MARCHF1: variants seen among roughly 807,000 people sequenced by gnomAD.
MARCHF1 encodes the protein membrane associated ring-CH-type finger 1.
MARCHF1 carries 40 observed loss-of-function variants against 54.2 expected under a neutral mutation model. The ratio of observed to expected loss-of-function variants is 0.74; its 90% CI spans 0.57 to 0.96. The LOEUF (loss-of-function observed/expected upper bound fraction) is 0.96, where lower values mean the gene tolerates loss of function less well. Ranked by LOEUF, MARCHF1 falls within the 40% of genes least tolerant of loss-of-function variation. The pLI is 0.00. For missense variants in MARCHF1, 586 were observed against 656.5 expected (o/e 0.89, Z 1.17); for synonymous variants, 236 against 236.3 (o/e 1.00, Z 0.01).
chr4:164,315,720 T>A (rs1295813480), intron 1 of MARCHF1, among the ~76,000 whole-genome samples: 1 of 152,168 alleles, frequency 6.6e-6, no homozygotes, highest in African/African-American at 2.4e-5. Context: ...GGCTAGAGCA[T>A]TGAGAGGTAT....
At chr4:163,619,509 C>G (rs1414131469) in intron 5 of MARCHF1, among the ~76,000 whole-genome samples, 1 of 152,038 alleles carries the variant, frequency 6.6e-6, no homozygotes, top group Admixed American at 6.5e-5. Flanking sequence ...TACCAGACAT[C>G]TAAATGTAGT....
intron 2 of MARCHF1, among the ~76,000 whole-genome samples, chr4:164,044,988 G>A (rs1279628363): frequency 6.6e-6 from 1 of 152,020 alleles, no homozygotes; most frequent in Non-Finnish European, 1.5e-5. Context: ...AAAACTTAGA[G>A]TAAGAACCTT....
chr4:164,179,613 A>T (rs539105594), intron 1 of MARCHF1, among the ~76,000 whole-genome samples: 11 of 152,220 alleles, frequency 7.2e-5, no homozygotes, highest in South Asian at 2.1e-4. Context: ...ACATACACAC[A>T]CATACATATA....
At chr4:163,732,929 A>G (rs955127448) in intron 4 of MARCHF1, among the ~76,000 whole-genome samples, 4 of 151,734 alleles carry the variant, frequency 2.6e-5, no homozygotes, top group African/African-American at 9.7e-5. Context: ...AGGTGGGTGG[A>G]TCATCTGAGG....
chr4:164,226,786 C>T (rs1050826479), intron 1 of MARCHF1, among the ~76,000 whole-genome samples: 1 of 151,998 alleles, frequency 6.6e-6, no homozygotes, highest in Admixed American at 6.6e-5. Flanking sequence ...CAGCTCATCC[C>T]CATCTCTCTC....
At chr4:163,795,105 A>T (rs1409564556) in intron 4 of MARCHF1, among the ~76,000 whole-genome samples, 2 of 152,232 alleles carry the variant, frequency 1.3e-5, no homozygotes, top group African/African-American at 4.8e-5. Flanking sequence ...TCAATTTGTG[A>T]AATTGATTTA....
chr4:164,331,382 G>A (rs1389377005), intron 1 of MARCHF1, among the ~76,000 whole-genome samples: 2 of 152,252 alleles, frequency 1.3e-5, no homozygotes, highest in East Asian at 3.9e-4. Context: ...TACAAAGCAA[G>A]CTGTTAAGAC....
intron 1 of MARCHF1, among the ~76,000 whole-genome samples, chr4:164,280,852 G>A (rs201117221): frequency 1.3e-5 from 2 of 152,004 alleles, no homozygotes; most frequent in African/African-American, 2.4e-5. Flanking sequence ...CTCTTTCCAG[G>A]TAGGTAGATA....
intron 4 of MARCHF1, among the ~76,000 whole-genome samples, chr4:163,820,360 T>A (rs1207807306): frequency 2.0e-5 from 3 of 152,044 alleles, no homozygotes; most frequent in Non-Finnish European, 4.4e-5. Flanking sequence ...CTCTGCCTAT[T>A]GTAAAGTTCT....
In MARCHF1 at chr4:164,213,207, TTATTATTATTATTATTA is replaced by T. The variant is rs1731828467; in HGVS notation, c.-322-101562_-322-101546del. The stretch of plus-strand genomic sequence containing the variant: ...ACTTTTCTCTGGGCTTTTACTTTTA[TTATTATTATTATTATTA>T]TTATTATTATTATTATTATTATTAT... On this transcript the variant is annotated intron_variant, in intron 1 of 9. Coordinates refer to ENST00000514618, the MANE Select transcript of MARCHF1 (RefSeq NM_001394959.1). Among the ~76,000 whole-genome samples, 3 of 15,758 alleles carry T rather than the reference TTATTATTATTATTATTA, an allele frequency of 1.9e-4. No homozygotes were observed. In the Admixed American group the frequency reaches 3.1e-3, roughly 16 times the overall value. 10.3% of individuals were successfully genotyped at this position (15,758 alleles called of 152,430 possible).
chr4:163,559,865 G>A (rs534326985), intron 8 of MARCHF1, among the ~76,000 whole-genome samples: 22 of 152,166 alleles, frequency 1.4e-4, no homozygotes, highest in Admixed American at 2.6e-4. Flanking sequence ...TAGGAAGAGT[G>A]TCAGCCTCGG....
chr4:164,297,981 T>C (rs1450801222), intron 1 of MARCHF1, among the ~76,000 whole-genome samples: 2 of 152,068 alleles, frequency 1.3e-5, no homozygotes, highest in Non-Finnish European at 2.9e-5. Flanking sequence ...TATAACTTCA[T>C]AAGACAAGTC....
At chr4:163,949,392 C>T (rs538804827) in intron 3 of MARCHF1, among the ~76,000 whole-genome samples, 5 of 152,250 alleles carry the variant, frequency 3.3e-5, no homozygotes, top group Admixed American at 1.3e-4. Flanking sequence ...AGCCCTGGCT[C>T]GTGAAGCTCT....
At chr4:164,285,068 A>AT (rs1734110630) in intron 1 of MARCHF1, among the ~76,000 whole-genome samples, 1 of 152,196 alleles carries the variant, frequency 6.6e-6, no homozygotes, top group Non-Finnish European at 1.5e-5. Context: ...GTGTAGAAAT[A>AT]TTTTATAATA....
At chr4:163,920,222 G>A (rs936961687) in intron 3 of MARCHF1, among the ~76,000 whole-genome samples, 1 of 152,058 alleles carries the variant, frequency 6.6e-6, no homozygotes, top group Admixed American at 6.6e-5. Flanking sequence ...CTCTGCTTTC[G>A]TTCCCCACCA....
chr4:163,727,223 G>A (rs1490686513), intron 4 of MARCHF1, among the ~76,000 whole-genome samples: 1 of 151,630 alleles, frequency 6.6e-6, no homozygotes, highest in Non-Finnish European at 1.5e-5. Context: ...TAATTTTATG[G>A]TTTTGTGTTT....
At chr4:164,327,503 C>G (rs1735314964) in intron 1 of MARCHF1, among the ~76,000 whole-genome samples, 1 of 152,054 alleles carries the variant, frequency 6.6e-6, no homozygotes, top group South Asian at 2.1e-4. Flanking sequence ...AGTGAAATGA[C>G]ACAGGAAAGA....
intron 1 of MARCHF1, among the ~76,000 whole-genome samples, chr4:164,306,561 C>T (rs1179753564): frequency 1.3e-5 from 2 of 152,102 alleles, no homozygotes; most frequent in Non-Finnish European, 2.9e-5. Context: ...GTTCAGCCTA[C>T]CTCTTAGGCC....
chr4:163,598,731 A>C (rs1387895302), intron 7 of MARCHF1, among the ~76,000 whole-genome samples: 1 of 152,254 alleles, frequency 6.6e-6, no homozygotes, highest in Non-Finnish European at 1.5e-5. Context: ...ATGGGTGAGT[A>C]AACGTGAAGG....
Sources: gnomAD v4.1 joint callset for allele counts (sites outside exome capture counted in the v4.1 genomes callset) on GRCh38, gnomAD v4.1.1 for gene constraint, MANE v1.5 for transcripts, NCBI Gene and HGNC (gene_info 2026-07-23, HGNC 2026-07-21) for gene names.